UNC13A: variants seen among roughly 807,000 people sequenced by gnomAD.
The protein encoded by UNC13A is unc-13 homolog A, also known as protein unc-13 homolog A.
In UNC13A, 61 loss-of-function variants were observed where a neutral mutation model predicts 219.7. That is an observed-to-expected ratio of 0.28 (90% CI 0.23 to 0.34). The LOEUF is 0.34. Ranked by LOEUF, UNC13A falls within the 10% of genes least tolerant of loss-of-function variation. The probability of loss-of-function intolerance (pLI) is 1.00; values close to 1 mark genes in which losing one functional copy is unlikely to be tolerated. For synonymous variants in UNC13A, 920 were observed against 884.6 expected (o/e 1.04, Z -0.71); for missense variants, 1,476 against 2,270.3 (o/e 0.65, Z 7.11).
intron 26 of UNC13A, 28 bp from the exon 27 acceptor site, chr19:17,633,221 T>G (rs766315314): frequency 9.3e-6 from 15 of 1,611,264 alleles, no homozygotes; most frequent in South Asian, 4.4e-5. Flanking sequence ...GTATAAAACT[T>G]TGGCAGGCAG....
chr19:17,611,730 C>T, intron 42 of UNC13A, 33 bp downstream of exon 42: 2 of 1,592,936 alleles, frequency 1.3e-6, no homozygotes, highest in African/African-American at 1.3e-5. Flanking sequence ...TGTTTTAGAA[C>T]CTAGCAAGTC....
intron 2 of UNC13A, among the ~76,000 whole-genome samples, chr19:17,675,620 G>A (rs2079882072): frequency 7.5e-6 from 1 of 134,158 alleles, no homozygotes; most frequent in Non-Finnish European, 1.6e-5. Context: ...AACAGAAGGA[G>A]ACTCTGTCTC....
rs1482304304 is a variant in UNC13A, at chr19:17,660,535, G to T, written c.560-2266C>A. On this transcript the variant is annotated intron_variant, in intron 8 of 43. Transcript: ENST00000519716. ...GTTTTGTTTGTTTGTTGGTTTTTGG[G>T]TTTTTTTTTTTTTTGAGACAGAGTC... Among the ~76,000 whole-genome samples, 29 of 139,666 alleles carry T rather than the reference G, an allele frequency of 2.1e-4. No individual in the cohort carries two copies. The South Asian group carries it at 4.7e-3, about 23-fold the overall frequency. The allele number at this position is 139,666 out of a possible 152,430, so 91.6% of individuals were successfully genotyped here.
chr19:17,622,859 G>GA (rs1266409635), intron 36 of UNC13A: 2 of 152,400 alleles, frequency 1.3e-5, no homozygotes, highest in Admixed American at 6.5e-5. Context: ...TCCAGACAAG[G>GA]AAACAGAGGC....
At chr19:17,663,210 G>A (rs959360817) in intron 8 of UNC13A, among the ~76,000 whole-genome samples, 28 of 152,112 alleles carry the variant, frequency 1.8e-4, no homozygotes, top group Non-Finnish European at 2.6e-4. Context: ...GAGGTTATAC[G>A]GCGGAGTGGG....
intron 38 of UNC13A, 122 bp from the exon 39 acceptor site, chr19:17,619,084 CA>C: frequency 1.1e-6 from 1 of 897,264 alleles, no homozygotes; most frequent in Non-Finnish European, 1.8e-6. Context: ...GTCCCAGGGA[CA>C]GAGGTCTGGA....
intron 38 of UNC13A, 38 bp from the exon 39 acceptor site, chr19:17,619,000 T>C (rs2144955995): frequency 6.2e-7 from 1 of 1,601,476 alleles, no homozygotes; most frequent in Non-Finnish European, 8.6e-7. Flanking sequence ...AGGGCAGGGG[T>C]GCTACAGCTG....
At chr19:17,684,487 G>T (rs2080073624) in intron 1 of UNC13A, among the ~76,000 whole-genome samples, 1 of 152,196 alleles carries the variant, frequency 6.6e-6, no homozygotes, top group Non-Finnish European at 1.5e-5. Context: ...TAAAATAAGT[G>T]ACTTCATGAA....
intron 1 of UNC13A, among the ~76,000 whole-genome samples, chr19:17,683,926 A>G (rs2145934897): frequency 6.6e-6 from 1 of 151,660 alleles, no homozygotes; most frequent in East Asian, 1.9e-4. Flanking sequence ...CTGCTTCTGC[A>G]AAAAATTAAA....
intron 8 of UNC13A, among the ~76,000 whole-genome samples, chr19:17,663,260 G>C (rs2079583740): frequency 6.6e-6 from 1 of 152,014 alleles, no homozygotes; most frequent in African/African-American, 2.4e-5. Context: ...CAAGCAGGTT[G>C]TTGGTCTAAA....
rs2145024173 is a variant in UNC13A, at chr19:17,636,097, A to G, written c.3142T>C (p.Trp1048Arg). 1.2e-6 allele frequency: 2 copies of G among 1,610,784 alleles called. No individual in the cohort carries two copies. The highest frequency in any genetic ancestry group is 1.7e-6 in the Non-Finnish European group (2 of 1,178,414). The change falls in exon 26 of 44, where the codon TGG becomes CGG. Residue 1048 changes from tryptophan (W) to arginine (R), a missense_variant. Physicochemically the swap from Trp to Arg is moderately radical, Grantham distance 101. Around this residue, in one of 14 missense-constraint regions of UNC13A, gnomAD observed 218 missense variants for 409.4 expected, o/e 0.53. Coordinates refer to ENST00000519716, the MANE Select transcript of UNC13A (RefSeq NM_001080421.3). ...QGPSIKNLDF[W>R]SKLITLIVSI... ...ACTATGAGGGTAATCAGCTTGGACC[A>G]GAAGTCGAGGTTCTTGATGCTGGGC...
intron 6 of UNC13A, among the ~76,000 whole-genome samples, chr19:17,667,677 G>A (rs2079683044): frequency 6.6e-6 from 1 of 151,416 alleles, no homozygotes; most frequent in Non-Finnish European, 1.5e-5. Flanking sequence ...GTTTCACCGT[G>A]TTGGCCAGGC....
rs78891777 is a variant in UNC13A at position 17,676,109 on chromosome 19, G to A, written c.23-68C>T. The A allele has an allele frequency of 8.5e-4, 1,261 of 1,490,146 alleles. 8 individuals are homozygous for A. The African/African-American group carries it at 0.016, about 19-fold the overall frequency. The allele number at this position is 1,490,146 out of a possible 1,614,324, so 92.3% of individuals were successfully genotyped here. ...TGTGGGGAGGAGGAGGCAGAGATAC[G>A]GAGAGATTCAGAGACACACCAAGAT... On this transcript the variant is annotated intron_variant, in intron 1 of 43. Coordinates refer to ENST00000519716, the MANE Select transcript of UNC13A (RefSeq NM_001080421.3).
chr19:17,632,952 A>G, intron 27 of UNC13A, 44 bp from the exon 28 acceptor site: 1 of 1,612,908 alleles, frequency 6.2e-7, no homozygotes, highest in African/African-American at 1.3e-5. Flanking sequence ...AGGGTCTGCC[A>G]CCCTCTGTCT....
At chr19:17,665,472 G>A (rs1377378925) in intron 7 of UNC13A, among the ~76,000 whole-genome samples, 2 of 152,182 alleles carry the variant, frequency 1.3e-5, no homozygotes, top group Admixed American at 6.6e-5. Context: ...ATGGAAATAG[G>A]AAGAGGAACG....
intron 41 of UNC13A, among the ~76,000 whole-genome samples, chr19:17,616,848 C>G (rs200302218): frequency 6.6e-6 from 1 of 152,168 alleles, no homozygotes; most frequent in African/African-American, 2.4e-5. Flanking sequence ...CTCCCTCCCC[C>G]TCCTGAGTTC....
chr19:17,685,793 G>A (rs902431146), intron 1 of UNC13A, among the ~76,000 whole-genome samples: 5 of 152,102 alleles, frequency 3.3e-5, no homozygotes, highest in Non-Finnish European at 5.9e-5. Context: ...TGTGTGTAGG[G>A]ATTGGCAAAC....
intron 37 of UNC13A, among the ~76,000 whole-genome samples, chr19:17,621,309 G>A (rs904784500): frequency 2.0e-5 from 3 of 152,108 alleles, no homozygotes; most frequent in Admixed American, 6.5e-5. Flanking sequence ...GAGAGAGTAC[G>A]GAACCCCTGT....
chr19:17,643,333 T>A (rs1307157444), intron 19 of UNC13A, among the ~76,000 whole-genome samples: 1 of 151,814 alleles, frequency 6.6e-6, no homozygotes, highest in Admixed American at 6.6e-5. Flanking sequence ...AATTTTTTTT[T>A]ATTTTATTTT....
Sources: allele counts gnomAD v4.1 joint callset (sites outside exome capture counted in the v4.1 genomes callset), GRCh38; gene constraint gnomAD v4.1.1; regional missense constraint gnomAD v4.1.1; transcripts MANE v1.5; gene names NCBI Gene and HGNC (gene_info 2026-07-23, HGNC 2026-07-21).